Variants in MYLK observed in about 807,000 individuals in gnomAD.
MYLK encodes myosin light chain kinase, smooth muscle.
A neutral mutation model predicts 203.4 loss-of-function variants in MYLK; 106 were observed. The observed-to-expected ratio is 0.52, with a 90% CI of 0.45 to 0.61. The LOEUF (loss-of-function observed/expected upper bound fraction) is 0.61, where lower values mean the gene tolerates loss of function less well. MYLK is among the 20% of genes least tolerant of loss of function. MYLK has a pLI of 0.00. For missense variants in MYLK, 2,072 were observed against 2,442.3 expected (o/e 0.85, Z 3.20); for synonymous variants, 867 against 959.5 (o/e 0.90, Z 1.78).
chr3:123,622,914 CT>C (rs1191573332), intron 31 of MYLK: 1 of 152,170 alleles, frequency 6.6e-6, no homozygotes, highest in Non-Finnish European at 1.5e-5. Context: ...CTCCCTTTTT[CT>C]TGCTTGAGGG....
intron 3 of MYLK, among the ~76,000 whole-genome samples, chr3:123,795,210 C>A (rs1359739039): frequency 6.6e-6 from 1 of 152,144 alleles, no homozygotes; most frequent in Non-Finnish European, 1.5e-5. Flanking sequence ...TTTTTCCCTA[C>A]AACTTTTCTT....
chr3:123,762,283 G>C (rs1477589882), intron 4 of MYLK, among the ~76,000 whole-genome samples: 1 of 150,940 alleles, frequency 6.6e-6, no homozygotes, highest in Non-Finnish European at 1.5e-5. Context: ...AGGCTGAAGT[G>C]CAGTGGCAGA....
rs540619624 is a variant in MYLK at position 123,841,601 on chromosome 3, CAAT to C, written c.-126-9934_-126-9932del. 9.9e-5 allele frequency among the ~76,000 whole-genome samples: 15 copies of C among 152,236 alleles called. No homozygotes were observed. The South Asian group carries it at 1.2e-3, about 13-fold the overall frequency. The stretch of plus-strand genomic sequence containing the variant: ...AGACATCCTCTCTTAAAAATACCAA[CAAT>C]GAGACCTACTCCCTTTTCTAGCTAC... On this transcript the variant is annotated intron_variant, in intron 2 of 33. Coordinates refer to ENST00000360304, the MANE Select transcript of MYLK (RefSeq NM_053025.4).
chr3:123,657,507 G>A (rs570532295), intron 23 of MYLK, 79 bp from the exon 24 acceptor site: 3 of 1,452,634 alleles, frequency 2.1e-6, no homozygotes, highest in African/African-American at 2.8e-5. Flanking sequence ...CCTGTGTCAT[G>A]GGGGGAAGGC....
At chr3:123,745,761 T>C (rs995515090) in intron 5 of MYLK, among the ~76,000 whole-genome samples, 1 of 152,212 alleles carries the variant, frequency 6.6e-6, no homozygotes, top group Non-Finnish European at 1.5e-5. Flanking sequence ...ATTCAGTAAC[T>C]GATAAAAAGA....
At chr3:123,841,042 A>C (rs1057097003) in intron 2 of MYLK, among the ~76,000 whole-genome samples, 1 of 152,174 alleles carries the variant, frequency 6.6e-6, no homozygotes, top group Non-Finnish European at 1.5e-5. Context: ...AATTATATTC[A>C]TGATATGCTG....
At position 123,843,060 on chromosome 3, in the gene MYLK, T is replaced by C. The variant is rs78794185; in HGVS notation, c.-126-11390A>G. Among the ~76,000 whole-genome samples the C allele has an allele frequency of 7.8e-3, 1,190 of 152,262 alleles. 13 individuals are homozygous for C. The highest frequency in any genetic ancestry group is 0.025 in the African/African-American group (1,029 of 41,564). ...TCTTCGGATAGTGTGGAATACAGCT[T>C]ATCAGGCAGGGACCTAGAACCAGAA... On this transcript the variant is annotated intron_variant, in intron 2 of 33. Transcript: ENST00000360304.
In MYLK at chr3:123,613,701, C is replaced by T. The variant is rs115391213; in HGVS notation, c.*404G>A. The T allele has an allele frequency of 2.5e-3, 582 of 233,872 alleles. 5 individuals are homozygous for T. The highest frequency in any genetic ancestry group is 0.012 in the African/African-American group (514 of 42,768). The allele number at this position is 233,872 out of a possible 1,614,324, so 14.5% of individuals were successfully genotyped here. ...TCAGGGGGTGGGGAGAGAGAGGCCT[C>T]CCATCCCCAGGAACCCTCTGGGCTG... is the stretch of plus-strand genomic sequence containing the variant. On this transcript the variant is annotated 3_prime_UTR_variant, in exon 34 of 34. Coordinates refer to ENST00000360304, the MANE Select transcript of MYLK (RefSeq NM_053025.4).
intron 2 of MYLK, among the ~76,000 whole-genome samples, chr3:123,858,175 C>G (rs1307538973): frequency 6.6e-6 from 1 of 152,116 alleles, no homozygotes; most frequent in African/African-American, 2.4e-5. Flanking sequence ...GTGCCCAGAT[C>G]CTGTGGTATT....
intron 19 of MYLK, chr3:123,692,308 A>C: frequency 8.7e-7 from 1 of 1,146,350 alleles, no homozygotes; most frequent in Non-Finnish European, 1.1e-6. Flanking sequence ...TCCCACACGG[A>C]CCTCGCTCTG....
chr3:123,863,368 CAAAAAAAAA>C lies in MYLK; in HGVS notation c.-127+13182_-127+13190del, dbSNP rs35039876. Among the ~76,000 whole-genome samples, 151 of 29,902 alleles carry C rather than the reference CAAAAAAAAA, an allele frequency of 5.0e-3. 1 individual carries two copies. The highest frequency in any genetic ancestry group is 0.014 in the African/African-American group (124 of 8,744). The allele number at this position is 29,902 out of a possible 152,430, so 19.6% of individuals were successfully genotyped here. Reference sequence around the variant, plus strand: ...GACACAGAAAAAAAAATAGCCTTGCCAAAAAAAAAAAAAAAAAAAGGTAAAACTTCTGCT... The same window carrying C: ...GACACAGAAAAAAAAATAGCCTTGCCAAAAAAAAAAGGTAAAACTTCTGCT... On this transcript the variant is annotated intron_variant, in intron 2 of 33. Transcript: ENST00000360304.
At chr3:123,737,292 C>T (rs2062706575) in intron 8 of MYLK, 86 bp downstream of exon 8, 2 of 1,561,924 alleles carry the variant, frequency 1.3e-6, no homozygotes, top group East Asian at 2.2e-5. Flanking sequence ...TATACACACA[C>T]AGGTGCGCAG....
intron 4 of MYLK, among the ~76,000 whole-genome samples, chr3:123,754,933 TGC>T (rs1177346615): frequency 6.6e-6 from 1 of 152,246 alleles, no homozygotes; most frequent in Non-Finnish European, 1.5e-5. Flanking sequence ...ACAGATGTCA[TGC>T]GCCCATATAA....
intron 4 of MYLK, among the ~76,000 whole-genome samples, chr3:123,759,982 C>CAA (rs558291344): frequency 1.5e-4 from 22 of 151,692 alleles, no homozygotes; most frequent in African/African-American, 4.8e-4. Context: ...CTGTCACCTG[C>CAA]AAAAAAAAGT....
intron 1 of MYLK, among the ~76,000 whole-genome samples, chr3:123,881,153 G>A (rs2033509352): frequency 6.6e-6 from 1 of 152,136 alleles, no homozygotes; most frequent in African/African-American, 2.4e-5. Context: ...GAGGCTGGGG[G>A]AGCACAGGGA....
intron 4 of MYLK, among the ~76,000 whole-genome samples, chr3:123,774,180 T>G (rs1428435232): frequency 6.6e-6 from 1 of 152,214 alleles, no homozygotes; most frequent in East Asian, 1.9e-4. Context: ...ACATAATGTT[T>G]TCCATCAAAC....
chr3:123,773,958 C>G (rs2063972063), intron 4 of MYLK, among the ~76,000 whole-genome samples: 1 of 152,216 alleles, frequency 6.6e-6, no homozygotes, highest in South Asian at 2.1e-4. Flanking sequence ...GAGATGGAGC[C>G]CCAAGCTGGG....
At chr3:123,673,161 C>CTTTTTTT (rs761090869) in intron 20 of MYLK, among the ~76,000 whole-genome samples, 1 of 136,962 alleles carries the variant, frequency 7.3e-6, no homozygotes. Flanking sequence ...TTTTTCTTTT[C>CTTTTTTT]TTTTTTTTTT....
At chr3:123,837,173 C>A (rs964836482) in intron 2 of MYLK, among the ~76,000 whole-genome samples, 5 of 152,076 alleles carry the variant, frequency 3.3e-5, no homozygotes, top group Admixed American at 3.3e-4. Flanking sequence ...AGCTGGGTTA[C>A]AGGCATGCAC....
Sources: allele counts gnomAD v4.1 joint callset (sites outside exome capture counted in the v4.1 genomes callset), GRCh38; gene constraint gnomAD v4.1.1; transcripts MANE v1.5; gene names NCBI Gene and HGNC (gene_info 2026-07-23, HGNC 2026-07-21).